ERBB4: variants seen among roughly 807,000 people sequenced by gnomAD.
The protein encoded by ERBB4 is receptor tyrosine-protein kinase erbB-4.
A neutral mutation model predicts 158.0 loss-of-function variants in ERBB4; 42 were observed. The ratio of observed to expected loss-of-function variants is 0.27; its 90% CI spans 0.21 to 0.34. The LOEUF (loss-of-function observed/expected upper bound fraction) is 0.34. Among genes scored for constraint, ERBB4 ranks in the 10% least tolerant of loss-of-function variants. ERBB4 has a pLI of 1.00. For synonymous variants in ERBB4, 583 were observed against 558.7 expected, an observed-to-expected ratio of 1.04 and a Z score of -0.61; for missense variants, 1,333 against 1,624.1, an observed-to-expected ratio of 0.82 and a Z score of 3.08.
chr2:211,735,951 G>A (rs1465715099), intron 5 of ERBB4, among the ~76,000 whole-genome samples: 7 of 150,750 alleles, frequency 4.6e-5, no homozygotes, highest in Non-Finnish European at 7.4e-5. Context: ...CCAGGCATTC[G>A]AGACTAGCCT....
intron 19 of ERBB4, among the ~76,000 whole-genome samples, chr2:211,592,018 G>T (rs1274724556): frequency 6.6e-6 from 1 of 152,148 alleles, no homozygotes; most frequent in Non-Finnish European, 1.5e-5. Flanking sequence ...CCGAAGACGG[G>T]GCTAGATTTT....
At chr2:212,402,608 T>C (rs2091239636) in intron 1 of ERBB4, among the ~76,000 whole-genome samples, 1 of 152,090 alleles carries the variant, frequency 6.6e-6, no homozygotes, top group Non-Finnish European at 1.5e-5. Flanking sequence ...CTGAGCAAAA[T>C]GTACAAGGGC....
chr2:212,459,511 T>C (rs1232317358), intron 1 of ERBB4, among the ~76,000 whole-genome samples: 2 of 152,042 alleles, frequency 1.3e-5, no homozygotes, highest in Non-Finnish European at 2.9e-5. Context: ...ACTGTGAAAA[T>C]GACCATACTA....
At chr2:212,078,847 A>G (rs1403898189) in intron 2 of ERBB4, among the ~76,000 whole-genome samples, 1 of 151,238 alleles carries the variant, frequency 6.6e-6, no homozygotes, top group Non-Finnish European at 1.5e-5. Context: ...ACTAATTATT[A>G]CTAGTTACCA....
Position 211,550,453 on chromosome 2 carries a change from C to T in ERBB4, c.2487+11450G>A, listed in dbSNP as rs368794107. Among the ~76,000 whole-genome samples, 78 of 151,206 alleles carry T rather than the reference C, an allele frequency of 5.2e-4. 2 individuals are homozygous for T. The Middle Eastern group carries it at 0.01, about 20-fold the overall frequency. On this transcript the variant is annotated intron_variant, in intron 20 of 27. Transcript: ENST00000342788. ...ATTAACATGAGGAAAGAGGAAATGA[C>T]GAGGAAAATTTGTCTGGAGAAGACT...
intron 1 of ERBB4, among the ~76,000 whole-genome samples, chr2:212,149,178 A>AT (rs397746330): frequency 0.015 from 2,109 of 144,080 alleles, 47 homozygotes; most frequent in African/African-American, 0.052. Flanking sequence ...TTAAAAAAAA[A>AT]TTTTAAAAAA....
intron 2 of ERBB4, among the ~76,000 whole-genome samples, chr2:212,100,175 G>A (rs1290732611): frequency 6.6e-6 from 1 of 152,144 alleles, no homozygotes; most frequent in Non-Finnish European, 1.5e-5. Flanking sequence ...CTGACAGCAT[G>A]GCTGTTTTCA....
At chr2:211,884,619 A>G (rs555892495) in intron 3 of ERBB4, among the ~76,000 whole-genome samples, 2 of 152,102 alleles carry the variant, frequency 1.3e-5, no homozygotes, top group Non-Finnish European at 2.9e-5. Flanking sequence ...AAAGGTGCCC[A>G]TTTCCCACAT....
At chr2:211,414,431 G>T (rs936043934) in intron 25 of ERBB4, among the ~76,000 whole-genome samples, 10 of 151,060 alleles carry the variant, frequency 6.6e-5, no homozygotes, top group African/African-American at 2.4e-4. Context: ...GGGAGGCAGA[G>T]GTTGCGGTAA....
rs769171667 is a variant in ERBB4, at chr2:211,913,653, GTGTGTA to G, written c.421+33771_421+33776del. ...TGTGTGTGTGTGTGTGTGTGTGTGT[GTGTGTA>G]TGTGTGTATGTGTGTGTGTATGTGT... On this transcript the variant is annotated intron_variant, in intron 3 of 27. Coordinates refer to ENST00000342788, the MANE Select transcript of ERBB4 (RefSeq NM_005235.3). Among the ~76,000 whole-genome samples, 1,367 of 145,808 alleles carry G rather than the reference GTGTGTA, an allele frequency of 9.4e-3. 10 individuals are homozygous for G. Among genetic ancestry groups the G allele is most frequent in the Middle Eastern group, 0.029 (8 of 280 alleles).
chr2:212,447,507 A>T (rs1403654147), intron 1 of ERBB4, among the ~76,000 whole-genome samples: 1 of 152,190 alleles, frequency 6.6e-6, no homozygotes, highest in Non-Finnish European at 1.5e-5. Context: ...AGCATGGAAC[A>T]TGTTTTTCAT....
At chr2:212,063,664 G>T (rs1437331069) in intron 2 of ERBB4, among the ~76,000 whole-genome samples, 1 of 151,924 alleles carries the variant, frequency 6.6e-6, no homozygotes, top group African/African-American at 2.4e-5. Flanking sequence ...TTTAGGGATG[G>T]CAAAAACAAA....
intron 17 of ERBB4, among the ~76,000 whole-genome samples, chr2:211,625,085 T>G (rs2125860983): frequency 6.6e-6 from 1 of 151,826 alleles, no homozygotes; most frequent in South Asian, 2.1e-4. Context: ...AAAAAAAAAG[T>G]ATGTCTAAGA....
chr2:212,006,748 A>G (rs911940065), intron 2 of ERBB4, among the ~76,000 whole-genome samples: 3 of 152,088 alleles, frequency 2.0e-5, no homozygotes, highest in Non-Finnish European at 2.9e-5. Context: ...AGCAGATACT[A>G]TCACTATCTT....
Position 211,386,932 on chromosome 2 carries a change from C to A in ERBB4, c.3402G>T (p.Val1134=). ...STQRYSADPT[V]FAPERSPRGE... is the part of the protein sequence containing the mutation. ...CTCGTGGGCTCCGTTCTGGGGCAAA[C>A]ACGGTGGGGTCAGCACTGTACCTCT... is the stretch of plus-strand genomic sequence containing the variant. Residue 1134 remains valine (V), a synonymous_variant, in exon 27 of 28, where the codon GTG becomes GTT. Coordinates refer to ENST00000342788, the MANE Select transcript of ERBB4 (RefSeq NM_005235.3). 1 of 1,614,166 alleles carries A rather than the reference C, an allele frequency of 6.2e-7. No individual in the cohort carries two copies. Among genetic ancestry groups the A allele is most frequent in the South Asian group, 1.1e-5 (1 of 91,092 alleles).
At chr2:212,512,363 A>C (rs181570244) in intron 1 of ERBB4, among the ~76,000 whole-genome samples, 3,586 of 150,182 alleles carry the variant, frequency 0.024, 52 homozygotes, top group South Asian at 0.048. Context: ...TATATACACA[A>C]AAAAAAACAA....
intron 20 of ERBB4, among the ~76,000 whole-genome samples, chr2:211,541,729 T>C (rs2125684471): frequency 6.6e-6 from 1 of 152,136 alleles, no homozygotes; most frequent in East Asian, 1.9e-4. Flanking sequence ...TTTGTTCCAA[T>C]TGTTAAATAT....
chr2:212,002,294 G>C (rs536173417), intron 2 of ERBB4, among the ~76,000 whole-genome samples: 2 of 152,196 alleles, frequency 1.3e-5, no homozygotes, highest in East Asian at 3.9e-4. Flanking sequence ...GCAGAAGAGG[G>C]GTTTCAGAGG....
chr2:211,800,326 A>G (rs2076471660), intron 3 of ERBB4, among the ~76,000 whole-genome samples: 1 of 152,190 alleles, frequency 6.6e-6, no homozygotes, highest in Admixed American at 6.5e-5. Flanking sequence ...CATTTTACAG[A>G]TGAAAAAACT....
Sources: gnomAD v4.1 joint callset for allele counts (sites outside exome capture counted in the v4.1 genomes callset) on GRCh38, gnomAD v4.1.1 for gene constraint, MANE v1.5 for transcripts, NCBI Gene and HGNC (gene_info 2026-07-23, HGNC 2026-07-21) for gene names.